Variants in SCFD2 observed in about 807,000 individuals in gnomAD.
The protein encoded by SCFD2 is sec1 family domain containing 2.
SCFD2 carries 54 observed loss-of-function variants against 58.9 expected under a neutral mutation model. That is an observed-to-expected ratio of 0.92 (90% CI 0.74 to 1.15). The LOEUF (loss-of-function observed/expected upper bound fraction) is 1.15. Among genes scored for constraint, SCFD2 ranks in the 50% most tolerant of loss-of-function variants. The pLI, the probability that SCFD2 is intolerant of heterozygous loss-of-function variation, is 0.00. For synonymous variants in SCFD2, 321 were observed against 335.9 expected, an observed-to-expected ratio of 0.96 and a Z score of 0.49; for missense variants, 805 against 836.6, an observed-to-expected ratio of 0.96 and a Z score of 0.47.
At chr4:53,341,007 G>GA (rs561029278) in intron 2 of SCFD2, among the ~76,000 whole-genome samples, 1,836 of 152,230 alleles carry the variant, frequency 0.012, 15 homozygotes, top group Non-Finnish European at 0.021. Flanking sequence ...CAAAGATGGG[G>GA]AAAAAACAGA....
chr4:53,219,965 C>A lies in SCFD2; in HGVS notation c.1311+53861G>T, dbSNP rs1728999598. Among the ~76,000 whole-genome samples, 3 of 152,156 alleles carry A rather than the reference C, an allele frequency of 2.0e-5. No individual in the cohort carries two copies. In the South Asian group the frequency reaches 6.2e-4, roughly 32 times the overall value. On this transcript the variant is annotated intron_variant, in intron 4 of 8. Transcript: ENST00000401642. ...ACACTCACACCACAGCAGTGGCCTC[C>A]AATCTGCTGGGGTGTAAGCATTGGG...
chr4:53,045,233 T>C (rs985403431), intron 5 of SCFD2, among the ~76,000 whole-genome samples: 158 of 152,310 alleles, frequency 1.0e-3, no homozygotes, highest in African/African-American at 3.5e-3. Context: ...TTGCTTTTGA[T>C]TGCATACACT....
At chr4:53,004,823 G>C (rs1342828519) in intron 5 of SCFD2, among the ~76,000 whole-genome samples, 1 of 152,048 alleles carries the variant, frequency 6.6e-6, no homozygotes, top group Non-Finnish European at 1.5e-5. Context: ...TTATGGTTGG[G>C]GGTATTTTTA....
At chr4:53,327,877 T>G (rs1045987772) in intron 2 of SCFD2, among the ~76,000 whole-genome samples, 1 of 152,078 alleles carries the variant, frequency 6.6e-6, no homozygotes, top group Non-Finnish European at 1.5e-5. Context: ...CCGGGTGCAG[T>G]GGCCTCACTT....
intron 2 of SCFD2, among the ~76,000 whole-genome samples, chr4:53,323,442 C>G (rs1201293897): frequency 6.6e-6 from 1 of 151,392 alleles, no homozygotes; most frequent in Non-Finnish European, 1.5e-5. Flanking sequence ...AGCATAATCA[C>G]AGCTCACTAC....
chr4:53,211,664 C>T (rs1291939365), intron 4 of SCFD2, among the ~76,000 whole-genome samples: 4 of 151,954 alleles, frequency 2.6e-5, no homozygotes, highest in African/African-American at 7.3e-5. Context: ...AGCTGGTGTC[C>T]GCTGCTTTGT....
chr4:52,964,628 A>G (rs191571703), intron 5 of SCFD2, among the ~76,000 whole-genome samples: 1 of 152,278 alleles, frequency 6.6e-6, no homozygotes, highest in Admixed American at 6.5e-5. Context: ...AAGACAATAT[A>G]GTCAACTACT....
chr4:52,937,626 G>A (rs929579627), intron 5 of SCFD2, among the ~76,000 whole-genome samples: 4 of 152,160 alleles, frequency 2.6e-5, no homozygotes, highest in Admixed American at 6.5e-5. Context: ...CATCCAAATT[G>A]CTATAGGAGG....
intron 7 of SCFD2, among the ~76,000 whole-genome samples, chr4:52,893,950 T>C (rs1256383541): frequency 6.6e-6 from 1 of 152,194 alleles, no homozygotes; most frequent in Non-Finnish European, 1.5e-5. Context: ...TAAATTTTCC[T>C]TTCTTTAAGT....
intron 5 of SCFD2, among the ~76,000 whole-genome samples, chr4:53,082,330 T>C (rs993919993): frequency 6.6e-6 from 1 of 152,196 alleles, no homozygotes; most frequent in African/African-American, 2.4e-5. Flanking sequence ...GGTTACAATT[T>C]TCCCAAATCC....
chr4:52,967,573 T>G (rs1301864281), intron 5 of SCFD2, among the ~76,000 whole-genome samples: 2 of 152,236 alleles, frequency 1.3e-5, no homozygotes, highest in Non-Finnish European at 2.9e-5. Context: ...GTCCCAAATG[T>G]CCTGTAATGT....
intron 4 of SCFD2, among the ~76,000 whole-genome samples, chr4:53,214,684 T>C (rs1728750966): frequency 1.3e-5 from 2 of 152,274 alleles, no homozygotes; most frequent in South Asian, 2.1e-4. Context: ...ATTTTGGCTT[T>C]TGTTGCCATT....
intron 5 of SCFD2, among the ~76,000 whole-genome samples, chr4:52,992,373 G>T (rs572535133): frequency 1.7e-4 from 26 of 152,154 alleles, no homozygotes; most frequent in Non-Finnish European, 2.9e-4. Flanking sequence ...ATCTCGGCTC[G>T]CTACAACCTC....
chr4:53,186,447 G>A (rs1204770667), intron 4 of SCFD2, among the ~76,000 whole-genome samples: 4 of 152,034 alleles, frequency 2.6e-5, no homozygotes, highest in South Asian at 2.1e-4. Context: ...ATTCTTGCAC[G>A]AAGAACATGT....
At chr4:53,024,616 TC>T (rs1186742476) in intron 5 of SCFD2, among the ~76,000 whole-genome samples, 2 of 152,060 alleles carry the variant, frequency 1.3e-5, no homozygotes, top group Non-Finnish European at 2.9e-5. Context: ...CTGCCAAAAT[TC>T]TAAAAAATAA....
chr4:53,301,445 G>A (rs537188766), intron 3 of SCFD2, among the ~76,000 whole-genome samples: 4 of 151,844 alleles, frequency 2.6e-5, no homozygotes, highest in Non-Finnish European at 4.4e-5. Context: ...CTCTGAAATT[G>A]AGGCAATAAT....
intron 4 of SCFD2, among the ~76,000 whole-genome samples, chr4:53,185,654 C>A (rs1238164479): frequency 6.6e-6 from 1 of 151,774 alleles, no homozygotes; most frequent in Non-Finnish European, 1.5e-5. Flanking sequence ...ATTAAGTTAC[C>A]AAGAGTAATA....
At chr4:53,364,231 A>G (rs1734633081) in intron 1 of SCFD2, among the ~76,000 whole-genome samples, 1 of 152,210 alleles carries the variant, frequency 6.6e-6, no homozygotes, top group South Asian at 2.1e-4. Flanking sequence ...TTAAGATTAA[A>G]AACTCAAATA....
At chr4:52,962,741 G>A (rs974394030) in intron 5 of SCFD2, among the ~76,000 whole-genome samples, 9 of 152,152 alleles carry the variant, frequency 5.9e-5, no homozygotes, top group Non-Finnish European at 1.0e-4. Context: ...CTCCCTGTCC[G>A]TCTGCTTTAA....
Sources: gnomAD v4.1 joint callset for allele counts (sites outside exome capture counted in the v4.1 genomes callset) on GRCh38, gnomAD v4.1.1 for gene constraint, MANE v1.5 for transcripts, NCBI Gene and HGNC (gene_info 2026-07-23, HGNC 2026-07-21) for gene names.